RHBDL2: variants seen among roughly 807,000 people sequenced by gnomAD.
The protein encoded by RHBDL2 is rhomboid like 2, also known as rhomboid-related protein 2.
In RHBDL2, 26 loss-of-function variants were observed where a neutral mutation model predicts 31.7. The observed-to-expected ratio is 0.82, with a 90% CI of 0.60 to 1.14. RHBDL2 has a LOEUF of 1.14. Ranked by LOEUF, RHBDL2 falls within the 50% of genes most tolerant of loss-of-function variation. RHBDL2 has a pLI of 0.00. For synonymous variants in RHBDL2, 123 were observed against 127.2 expected (o/e 0.97, Z 0.22); for missense variants, 336 against 364.4 (o/e 0.92, Z 0.63).
intron 1 of RHBDL2, among the ~76,000 whole-genome samples, chr1:38,920,608 T>C (rs1248466721): frequency 1.2e-5 from 1 of 81,634 alleles, no homozygotes; most frequent in Admixed American, 1.1e-4. Context: ...AAGTTTTCTC[T>C]TTTTTTTTTT....
rs56978792 is a variant in RHBDL2, at chr1:38,911,602, CTGTGTGTGTGTGTGTGTGTG to C, written c.396-188_396-169del. On this transcript the variant is annotated intron_variant, in intron 3 of 7. Coordinates refer to ENST00000372990, the MANE Select transcript of RHBDL2 (RefSeq NM_017821.5). Reference sequence around the variant, plus strand: ...AACTCTTTTTTTCTTTTTCTTTTTTCTGTGTGTGTGTGTGTGTGTGTGTGTGTGTGTGTGTGTGTGTGTGC... The same window carrying C: ...AACTCTTTTTTTCTTTTTCTTTTTTCTGTGTGTGTGTGTGTGTGTGTGTGC... Among the ~76,000 whole-genome samples, 129 of 142,282 alleles carry C rather than the reference CTGTGTGTGTGTGTGTGTGTG, an allele frequency of 9.1e-4. 1 individual carries two copies. Among genetic ancestry groups the C allele is most frequent in the Admixed American group, 1.5e-3 (21 of 14,208 alleles). 93.3% of individuals were successfully genotyped at this position (142,282 alleles called of 152,430 possible).
intron 1 of RHBDL2, among the ~76,000 whole-genome samples, chr1:38,936,518 A>G (rs9438996): frequency 0.89 from 127,791 of 143,620 alleles, 57,388 homozygotes; most frequent in African/African-American, 0.95. Flanking sequence ...TTTTTTTTTC[A>G]AGATGGAGTT....
At chr1:38,929,518 G>A (rs1643416940) in intron 1 of RHBDL2, 3 of 1,289,294 alleles carry the variant, frequency 2.3e-6, no homozygotes, top group African/African-American at 1.5e-5. Context: ...ATTCAAACAG[G>A]GAGGTTTTAA....
intron 1 of RHBDL2, among the ~76,000 whole-genome samples, chr1:38,938,243 C>T (rs1643530418): frequency 6.6e-6 from 1 of 151,976 alleles, no homozygotes; most frequent in South Asian, 2.1e-4. Context: ...TCTCGAACTC[C>T]TGACCTTGTG....
At position 38,919,093 on chromosome 1, in the gene RHBDL2, G is replaced by C; in HGVS notation, c.120C>G (p.Ala40=). The C allele has an allele frequency of 1.2e-6, 2 of 1,613,978 alleles. No homozygotes were observed. Residue 40 remains alanine, a synonymous_variant, in exon 2 of 8, where the codon GCC becomes GCG. Transcript: ENST00000372990. Reference sequence around the variant, plus strand: ...CAATCCTGTGGACCTTTTTACTCTTGGCCCGATCTTTACCTCCCCCATCCT... The same window carrying C: ...CAATCCTGTGGACCTTTTTACTCTTCGCCCGATCTTTACCTCCCCCATCCT... The part of the protein sequence containing the change: ...MREDGGGKDR[A]KSKKVHRIVS...
rs1642825856 is a variant in RHBDL2, at chr1:38,889,277, A to G, written c.671-1253T>C. 3.3e-5 allele frequency among the ~76,000 whole-genome samples: 5 copies of G among 152,170 alleles called. No homozygotes were observed. The South Asian group carries it at 1.0e-3, about 32-fold the overall frequency. ...CCCGGTTAATTTTTGTATTTTTAGT[A>G]GAGACAGCATTTCACCGTGTTGACA... On this transcript the variant is annotated intron_variant, in intron 6 of 7. Transcript: ENST00000372990.
At chr1:38,892,002 A>G (rs1287260478) in intron 6 of RHBDL2, among the ~76,000 whole-genome samples, 2 of 152,144 alleles carry the variant, frequency 1.3e-5, no homozygotes, top group South Asian at 4.1e-4. Flanking sequence ...TCCATGCTCT[A>G]TGGCCTGCTG....
chr1:38,916,869 C>CA (rs71057164), intron 2 of RHBDL2, among the ~76,000 whole-genome samples: 101,228 of 113,432 alleles, frequency 0.89, 45,356 homozygotes, highest in Non-Finnish European at 0.96. Context: ...GACTCCATCT[C>CA]AAAAAAAAAA....
intron 1 of RHBDL2, among the ~76,000 whole-genome samples, chr1:38,925,175 C>G (rs1643361061): frequency 6.6e-6 from 1 of 152,082 alleles, no homozygotes; most frequent in South Asian, 2.1e-4. Flanking sequence ...GCACTACATA[C>G]CACATAGTGT....
At chr1:38,923,144 C>A (rs1015282675) in intron 1 of RHBDL2, among the ~76,000 whole-genome samples, 5 of 151,924 alleles carry the variant, frequency 3.3e-5, no homozygotes, top group African/African-American at 1.2e-4. Flanking sequence ...AGGTGTGTGG[C>A]AATGGGTGCA....
chr1:38,899,090 C>G (rs1642956595), intron 4 of RHBDL2, among the ~76,000 whole-genome samples: 1 of 152,190 alleles, frequency 6.6e-6, no homozygotes, highest in East Asian at 1.9e-4. Context: ...TCCCTCCTTT[C>G]TGACTTCTAG....
chr1:38,935,244 C>T (rs779785111), intron 1 of RHBDL2, among the ~76,000 whole-genome samples: 6 of 151,952 alleles, frequency 3.9e-5, no homozygotes, highest in Non-Finnish European at 8.8e-5. Flanking sequence ...ATAAGAAAAT[C>T]TACCTTTATT....
chr1:38,927,391 C>T (rs1369216595), intron 1 of RHBDL2, among the ~76,000 whole-genome samples: 1 of 152,116 alleles, frequency 6.6e-6, no homozygotes, highest in Non-Finnish European at 1.5e-5. Context: ...CGCGCCACTG[C>T]ACTCCAGCCT....
chr1:38,900,669 T>G (rs111304184), intron 4 of RHBDL2, among the ~76,000 whole-genome samples: 5 of 151,932 alleles, frequency 3.3e-5, no homozygotes, highest in African/African-American at 1.2e-4. Flanking sequence ...GAGGTTGCAG[T>G]GAGCCAAGAT....
chr1:38,912,818 T>C (rs1401008275), intron 3 of RHBDL2, among the ~76,000 whole-genome samples: 8 of 150,284 alleles, frequency 5.3e-5, no homozygotes, highest in African/African-American at 2.0e-4. Context: ...TAGGTACTAT[T>C]CATATTACTC....
chr1:38,901,097 A>G (rs1642982795), intron 4 of RHBDL2, among the ~76,000 whole-genome samples: 1 of 151,978 alleles, frequency 6.6e-6, no homozygotes, highest in African/African-American at 2.4e-5. Flanking sequence ...TTAAAAATTA[A>G]AAAAGTATTT....
chr1:38,930,750 G>A (rs188995916), intron 1 of RHBDL2, among the ~76,000 whole-genome samples: 1 of 152,302 alleles, frequency 6.6e-6, no homozygotes, highest in African/African-American at 2.4e-5. Context: ...AGGACAGTTG[G>A]CCCAGGCCCT....
chr1:38,921,588 T>C (rs1480190153), intron 1 of RHBDL2, among the ~76,000 whole-genome samples: 1 of 152,056 alleles, frequency 6.6e-6, no homozygotes, highest in African/African-American at 2.4e-5. Flanking sequence ...ATTAGGCAAG[T>C]TTTCACATTA....
chr1:38,899,849 G>A (rs770697337), intron 4 of RHBDL2, among the ~76,000 whole-genome samples: 4 of 152,124 alleles, frequency 2.6e-5, no homozygotes, highest in Admixed American at 6.5e-5. Flanking sequence ...GATAATGATG[G>A]CAGCAACACC....
Sources: allele counts gnomAD v4.1 joint callset (sites outside exome capture counted in the v4.1 genomes callset), GRCh38; gene constraint gnomAD v4.1.1; transcripts MANE v1.5; gene names NCBI Gene and HGNC (gene_info 2026-07-23, HGNC 2026-07-21).